ROBO1: variants seen among roughly 807,000 people sequenced by gnomAD.
The protein encoded by ROBO1 is roundabout homolog 1.
A neutral mutation model predicts 195.9 loss-of-function variants in ROBO1; 149 were observed. That is an observed-to-expected ratio of 0.76 (90% CI 0.67 to 0.87). The LOEUF (loss-of-function observed/expected upper bound fraction) is 0.87. ROBO1 is among the 40% of genes least tolerant of loss of function. The probability of loss-of-function intolerance (pLI) is 0.00; values close to 1 mark genes in which losing one functional copy is unlikely to be tolerated. For missense variants in ROBO1, 1,933 were observed against 2,068.3 expected (o/e 0.93, Z 1.27); for synonymous variants, 816 against 733.2 (o/e 1.11, Z -1.82).
At chr3:78,870,923 A>G (rs1298157841) in intron 4 of ROBO1, among the ~76,000 whole-genome samples, 1 of 152,172 alleles carries the variant, frequency 6.6e-6, no homozygotes, top group Non-Finnish European at 1.5e-5. Flanking sequence ...TATGCAAAAT[A>G]GGAATAAAAA....
intron 2 of ROBO1, among the ~76,000 whole-genome samples, chr3:79,578,995 A>T (rs1943577706): frequency 6.6e-6 from 1 of 152,188 alleles, no homozygotes; most frequent in South Asian, 2.1e-4. Context: ...ATGTCAGCTC[A>T]ATTTCCCTCT....
intron 4 of ROBO1, among the ~76,000 whole-genome samples, chr3:78,817,810 T>C (rs1008449156): frequency 2.0e-5 from 3 of 152,146 alleles, no homozygotes; most frequent in Admixed American, 1.3e-4. Context: ...TGGTCATAGT[T>C]CCAACTACCG....
chr3:79,750,597 G>T (rs2107473190), intron 1 of ROBO1, among the ~76,000 whole-genome samples: 1 of 152,292 alleles, frequency 6.6e-6, no homozygotes, highest in East Asian at 1.9e-4. Flanking sequence ...TTCTTGTGCT[G>T]TTCTTGTGAC....
chr3:78,903,188 AAT>A (rs2037689462), intron 4 of ROBO1, among the ~76,000 whole-genome samples: 1 of 152,168 alleles, frequency 6.6e-6, no homozygotes, highest in Non-Finnish European at 1.5e-5. Context: ...AGTTTTTATT[AAT>A]ATAATCCTCA....
intron 2 of ROBO1, among the ~76,000 whole-genome samples, chr3:79,250,074 A>C (rs1051842894): frequency 6.6e-6 from 1 of 152,180 alleles, no homozygotes; most frequent in Non-Finnish European, 1.5e-5. Context: ...GAACTGTTTC[A>C]GTGGTGTGGC....
intron 2 of ROBO1, among the ~76,000 whole-genome samples, chr3:79,171,614 C>G (rs771268032): frequency 2.0e-5 from 3 of 151,940 alleles, no homozygotes; most frequent in Non-Finnish European, 4.4e-5. Context: ...AACTATTAAC[C>G]ATTTAAATAA....
intron 2 of ROBO1, among the ~76,000 whole-genome samples, chr3:79,140,175 A>C (rs898518620): frequency 3.9e-5 from 6 of 152,104 alleles, no homozygotes; most frequent in African/African-American, 1.4e-4. Flanking sequence ...GTATATGTAA[A>C]TTTATTGCCA....
At chr3:79,290,173 G>A (rs2032154705) in intron 2 of ROBO1, among the ~76,000 whole-genome samples, 1 of 152,014 alleles carries the variant, frequency 6.6e-6, no homozygotes, top group Non-Finnish European at 1.5e-5. Flanking sequence ...CTAGTAGCTG[G>A]GAGTAGTCCG....
intron 2 of ROBO1, among the ~76,000 whole-genome samples, chr3:79,242,004 A>G (rs185931652): frequency 6.6e-6 from 1 of 151,840 alleles, no homozygotes; most frequent in Non-Finnish European, 1.5e-5. Context: ...CTAGGTGTAA[A>G]ACAGAAATAC....
At position 79,229,722 on chromosome 3, in the gene ROBO1, T is replaced by C. The variant is rs151295248; in HGVS notation, c.89-104183A>G. 2.6e-3 allele frequency among the ~76,000 whole-genome samples: 393 copies of C among 152,254 alleles called. 4 individuals carry two copies. The highest frequency in any genetic ancestry group is 9.0e-3 in the African/African-American group (375 of 41,552). On this transcript the variant is annotated intron_variant, in intron 2 of 30. Coordinates refer to ENST00000464233, the MANE Select transcript of ROBO1 (RefSeq NM_002941.4). Reference sequence around the variant, plus strand: ...GGCATGAGCCATCGTGCCTGGCCAGTGCTCATGTTTGAAAGTTATTTTGTG... The same window carrying C: ...GGCATGAGCCATCGTGCCTGGCCAGCGCTCATGTTTGAAAGTTATTTTGTG...
chr3:79,587,002 G>A (rs1330422398), intron 2 of ROBO1, among the ~76,000 whole-genome samples: 3 of 151,838 alleles, frequency 2.0e-5, no homozygotes, highest in African/African-American at 7.2e-5. Flanking sequence ...AACATGCAAT[G>A]AAAGCAACAA....
chr3:79,285,168 T>C (rs2031809573), intron 2 of ROBO1, among the ~76,000 whole-genome samples: 1 of 152,142 alleles, frequency 6.6e-6, no homozygotes, highest in South Asian at 2.1e-4. Context: ...AGAGTTTATA[T>C]ATGGCTAACC....
chr3:79,197,635 C>A (rs1182549215), intron 2 of ROBO1, among the ~76,000 whole-genome samples: 1 of 151,884 alleles, frequency 6.6e-6, no homozygotes, highest in African/African-American at 2.4e-5. Context: ...CAATGGTTGA[C>A]CTAGTTTACA....
At chr3:79,229,896 TGA>T (rs1400454822) in intron 2 of ROBO1, among the ~76,000 whole-genome samples, 2 of 152,178 alleles carry the variant, frequency 1.3e-5, no homozygotes, top group Non-Finnish European at 2.9e-5. Context: ...CACTAATAAT[TGA>T]GAGTTTTCTT....
At chr3:79,196,274 C>CTTTTTTTTTTT (rs555402658) in intron 2 of ROBO1, among the ~76,000 whole-genome samples, 1 of 111,576 alleles carries the variant, frequency 9.0e-6, no homozygotes. Context: ...AGAAGAGTTT[C>CTTTTTTTTTTT]TTTTTTTTTT....
chr3:79,386,451 C>T lies in ROBO1; in HGVS notation c.88+203373G>A, dbSNP rs369206991. Among the ~76,000 whole-genome samples, 9 of 152,116 alleles carry T rather than the reference C, an allele frequency of 5.9e-5. 1 individual carries two copies. In the South Asian group the frequency reaches 1.5e-3, roughly 25 times the overall value. On this transcript the variant is annotated intron_variant, in intron 2 of 30. Coordinates refer to ENST00000464233, the MANE Select transcript of ROBO1 (RefSeq NM_002941.4). ...GAAATTATGGAGTTTTTACCATCAA[C>T]GTATAAAGTAAGGTCAAGCAATACT...
At chr3:78,899,099 G>A (rs1018078871) in intron 4 of ROBO1, among the ~76,000 whole-genome samples, 2 of 152,060 alleles carry the variant, frequency 1.3e-5, no homozygotes, top group Non-Finnish European at 2.9e-5. Context: ...ATCAAATTTT[G>A]GAGTCATTAA....
At chr3:79,523,448 T>G (rs1453212899) in intron 2 of ROBO1, among the ~76,000 whole-genome samples, 1 of 150,804 alleles carries the variant, frequency 6.6e-6, no homozygotes, top group Non-Finnish European at 1.5e-5. Flanking sequence ...AAATAGACTT[T>G]GCATTTTTCT....
At chr3:79,601,086 G>T (rs1560027984) in intron 1 of ROBO1, among the ~76,000 whole-genome samples, 1 of 151,894 alleles carries the variant, frequency 6.6e-6, no homozygotes, top group East Asian at 1.9e-4. Flanking sequence ...AAGTAATCAG[G>T]CTTCTGGAAA....
Sources: allele counts gnomAD v4.1 joint callset (sites outside exome capture counted in the v4.1 genomes callset), GRCh38; gene constraint gnomAD v4.1.1; transcripts MANE v1.5; gene names NCBI Gene and HGNC (gene_info 2026-07-23, HGNC 2026-07-21).